Variants in DIP2B observed in about 807,000 individuals in gnomAD.
The protein encoded by DIP2B is DIP2 acetate--CoA ligase B (putative).
In DIP2B, 76 loss-of-function variants were observed where a neutral mutation model predicts 198.0. The observed-to-expected ratio is 0.38, with a 90% CI of 0.32 to 0.46. The LOEUF is 0.46. Among genes scored for constraint, DIP2B ranks in the 20% least tolerant of loss-of-function variants. The probability of loss-of-function intolerance (pLI) is 0.99; values close to 1 mark genes in which losing one functional copy is unlikely to be tolerated. For missense variants in DIP2B, 1,559 were observed against 1,978.4 expected (o/e 0.79, Z 4.02); for synonymous variants, 701 against 739.1 (o/e 0.95, Z 0.84).
chr12:50,737,968 C>G (rs1205596149), intron 35 of DIP2B, among the ~76,000 whole-genome samples: 1 of 152,112 alleles, frequency 6.6e-6, no homozygotes, highest in Non-Finnish European at 1.5e-5. Context: ...GCCAGATGAC[C>G]TCGGCTCTGC....
In DIP2B at chr12:50,657,507, G is replaced by T. The variant is rs1413321745; in HGVS notation, c.302-2687G>T. The stretch of plus-strand genomic sequence containing the variant: ...TGTTTTGAGAAAGACATTATTTCTG[G>T]CTGGGCATGGTGGCTCATGCTTGTA... On this transcript the variant is annotated intron_variant, in intron 3 of 37. Coordinates refer to ENST00000301180, the MANE Select transcript of DIP2B (RefSeq NM_173602.3). Among the ~76,000 whole-genome samples, 6 of 152,100 alleles carry T rather than the reference G, an allele frequency of 3.9e-5. No individual in the cohort carries two copies. In the East Asian group the frequency reaches 1.2e-3, roughly 29 times the overall value.
chr12:50,671,805 T>G (rs907430530), intron 5 of DIP2B, among the ~76,000 whole-genome samples: 5 of 152,262 alleles, frequency 3.3e-5, no homozygotes, highest in Admixed American at 1.3e-4. Flanking sequence ...GAGCAAAATC[T>G]ATACTGAGCC....
rs1940367750 is a variant in DIP2B, at chr12:50,748,277, T to G, written c.*3438T>G. ...ATCTATGCCTTAGTGTTGTTTTTGT[T>G]GTCTGCTTTGATGTAAAAGCAAGAG... On this transcript the variant is annotated 3_prime_UTR_variant, in exon 38 of 38. Coordinates refer to ENST00000301180, the MANE Select transcript of DIP2B (RefSeq NM_173602.3). 6.5e-6 allele frequency: 1 copy of G among 152,682 alleles called. No individual in the cohort carries two copies. The highest frequency in any genetic ancestry group is 2.1e-4 in the South Asian group (1 of 4,836). 9.5% of individuals were successfully genotyped at this position (152,682 alleles called of 1,614,324 possible).
At chr12:50,639,451 T>C (rs60099602) in intron 2 of DIP2B, among the ~76,000 whole-genome samples, 1,608 of 152,174 alleles carry the variant, frequency 0.011, 32 homozygotes, top group African/African-American at 0.037. Context: ...CTTTCCAGCA[T>C]GCTACCTGCT....
chr12:50,712,687 T>C (rs1939640451), intron 22 of DIP2B, among the ~76,000 whole-genome samples: 1 of 151,800 alleles, frequency 6.6e-6, no homozygotes, highest in African/African-American at 2.4e-5. Context: ...GGCAGGTGGA[T>C]CACGAGGTCA....
At chr12:50,690,956 T>G in intron 12 of DIP2B, 93 bp from the exon 13 acceptor site, 1 of 1,030,366 alleles carries the variant, frequency 9.7e-7, no homozygotes, top group Non-Finnish European at 1.5e-6. Context: ...CCCATTATGA[T>G]GGTTTTTCTG....
chr12:50,517,790 T>C (rs1158076328), intron 1 of DIP2B, among the ~76,000 whole-genome samples: 1 of 152,242 alleles, frequency 6.6e-6, no homozygotes, highest in Non-Finnish European at 1.5e-5. Context: ...TTGTATACAT[T>C]GCCATTCTCT....
chr12:50,571,548 GTTTTTTTTTT>G (rs71083600), intron 1 of DIP2B, among the ~76,000 whole-genome samples: 2 of 85,748 alleles, frequency 2.3e-5, no homozygotes, highest in Non-Finnish European at 4.2e-5. Flanking sequence ...AAACCTAGGC[GTTTTTTTTTT>G]TTTTTTTTTT....
chr12:50,603,922 A>G (rs1958959841), intron 1 of DIP2B, among the ~76,000 whole-genome samples: 1 of 152,160 alleles, frequency 6.6e-6, no homozygotes, highest in African/African-American at 2.4e-5. Flanking sequence ...GGATAAATTC[A>G]CAATGATGAG....
At chr12:50,642,612 C>T (rs1462592644) in intron 3 of DIP2B, among the ~76,000 whole-genome samples, 3 of 152,076 alleles carry the variant, frequency 2.0e-5, no homozygotes, top group Non-Finnish European at 1.5e-5. Flanking sequence ...ACAGTGAAAC[C>T]CCATCTCTAT....
chr12:50,612,055 A>G (rs933473443), intron 1 of DIP2B, among the ~76,000 whole-genome samples: 3 of 151,560 alleles, frequency 2.0e-5, no homozygotes, highest in Admixed American at 6.6e-5. Context: ...GGTGGCTCAC[A>G]TGTGTAATCT....
chr12:50,516,641 CA>C (rs1197571331), intron 1 of DIP2B, among the ~76,000 whole-genome samples: 1 of 151,820 alleles, frequency 6.6e-6, no homozygotes, highest in Non-Finnish European at 1.5e-5. Flanking sequence ...AGTAACTTAC[CA>C]AAGTCAAAAA....
At chr12:50,521,250 G>A (rs536885936) in intron 1 of DIP2B, among the ~76,000 whole-genome samples, 55 of 151,506 alleles carry the variant, frequency 3.6e-4, no homozygotes, top group African/African-American at 1.3e-3. Flanking sequence ...GAGATTACAG[G>A]CGCACACCCC....
intron 1 of DIP2B, among the ~76,000 whole-genome samples, chr12:50,530,952 G>A (rs535961856): frequency 6.6e-6 from 1 of 152,286 alleles, no homozygotes; most frequent in African/African-American, 2.4e-5. Flanking sequence ...TTGGAGTTCT[G>A]TAGAAAGGCC....
At chr12:50,552,468 G>C (rs1457708858) in intron 1 of DIP2B, among the ~76,000 whole-genome samples, 1 of 151,922 alleles carries the variant, frequency 6.6e-6, no homozygotes, top group African/African-American at 2.4e-5. Flanking sequence ...GGGTTTCACT[G>C]TGTTAGCCAG....
At chr12:50,550,885 A>G (rs1418460759) in intron 1 of DIP2B, among the ~76,000 whole-genome samples, 1 of 152,166 alleles carries the variant, frequency 6.6e-6, no homozygotes, top group African/African-American at 2.4e-5. Context: ...GCACTTTGGG[A>G]GGCCGAGGTG....
At chr12:50,660,867 G>C (rs1938633780) in intron 4 of DIP2B, among the ~76,000 whole-genome samples, 1 of 152,080 alleles carries the variant, frequency 6.6e-6, no homozygotes, top group African/African-American at 2.4e-5. Flanking sequence ...AATGTATTTT[G>C]TACACATTTA....
At chr12:50,505,748 C>G (rs1192254054) in intron 1 of DIP2B, among the ~76,000 whole-genome samples, 1 of 152,060 alleles carries the variant, frequency 6.6e-6, no homozygotes, top group Non-Finnish European at 1.5e-5. Context: ...TCCCCAGTGA[C>G]AGGAGTGAGA....
chr12:50,664,119 C>T (rs969580064), intron 4 of DIP2B, among the ~76,000 whole-genome samples: 1 of 152,072 alleles, frequency 6.6e-6, no homozygotes, highest in African/African-American at 2.4e-5. Context: ...CTTTGGGAGG[C>T]ACTCAATACG....
Sources: gnomAD v4.1 joint callset for allele counts (sites outside exome capture counted in the v4.1 genomes callset) on GRCh38, gnomAD v4.1.1 for gene constraint, MANE v1.5 for transcripts, NCBI Gene and HGNC (gene_info 2026-07-23, HGNC 2026-07-21) for gene names.